SLC17A3: variants seen among roughly 807,000 people sequenced by gnomAD.
SLC17A3 encodes sodium-dependent phosphate transport protein 4.
SLC17A3 carries 61 observed loss-of-function variants against 60.3 expected under a neutral mutation model. That is an observed-to-expected ratio of 1.01 (90% CI 0.82 to 1.25). The LOEUF (loss-of-function observed/expected upper bound fraction) is 1.25. Ranked by LOEUF, SLC17A3 falls within the 50% of genes most tolerant of loss-of-function variation. The probability of loss-of-function intolerance (pLI) is 0.00; values close to 1 mark genes in which losing one functional copy is unlikely to be tolerated. For missense variants in SLC17A3, 624 were observed against 594.9 expected (o/e 1.05, Z -0.51); for synonymous variants, 192 against 208.9 (o/e 0.92, Z 0.70).
intron 1 of SLC17A3, among the ~76,000 whole-genome samples, chr6:25,872,957 T>C (rs1765669587): frequency 6.6e-6 from 1 of 152,020 alleles, no homozygotes; most frequent in South Asian, 2.1e-4. Flanking sequence ...GGATGTCACA[T>C]CTTCTCCTGC....
At chr6:25,861,514 C>T in intron 5 of SLC17A3, 110 bp downstream of exon 5, 3 of 874,902 alleles carry the variant, frequency 3.4e-6, no homozygotes, top group Non-Finnish European at 5.8e-6. Flanking sequence ...TTTAAAAATA[C>T]TTCACTGACA....
At chr6:25,849,351 C>T (rs1561853240) in intron 11 of SLC17A3, 23 bp downstream of exon 11, 1 of 1,329,278 alleles carries the variant, frequency 7.5e-7, no homozygotes, top group Admixed American at 1.7e-5. Flanking sequence ...TCTTTGGAGT[C>T]CTTCATGACA....
At chr6:25,848,135 A>T (rs188172775) in intron 11 of SLC17A3, among the ~76,000 whole-genome samples, 76 of 152,250 alleles carry the variant, frequency 5.0e-4, no homozygotes, top group Middle Eastern at 3.4e-3. Context: ...CAGTTTCTTT[A>T]TCCACTCATT....
chr6:25,856,252 A>G (rs1765354780), intron 5 of SLC17A3, among the ~76,000 whole-genome samples: 1 of 152,076 alleles, frequency 6.6e-6, no homozygotes, highest in Non-Finnish European at 1.5e-5. Flanking sequence ...GTTGTTTGAG[A>G]CAGAGTCTTG....
intron 12 of SLC17A3, 37 bp from the exon 13 acceptor site, chr6:25,845,335 G>A (rs1333737086): frequency 6.2e-7 from 1 of 1,610,746 alleles, no homozygotes; most frequent in Non-Finnish European, 8.5e-7. Context: ...TAAAACTTCA[G>A]CTGCTTCTAT....
At position 25,864,617 on chromosome 6, in the gene SLC17A3, G is replaced by A. The variant is rs138140609; in HGVS notation, c.92-2173C>T. On this transcript the variant is annotated intron_variant, in intron 2 of 12. Coordinates refer to ENST00000397060, the MANE Select transcript of SLC17A3 (RefSeq NM_001098486.2). ...AGAAGAATGAAGTTCTGCTTTCCTAGGAAGAAAGTTCTTGGAAGGAGCAGG... is the reference window on the plus strand; with the variant it reads ...AGAAGAATGAAGTTCTGCTTTCCTAAGAAGAAAGTTCTTGGAAGGAGCAGG... Among the ~76,000 whole-genome samples the A allele has an allele frequency of 3.0e-4, 43 of 141,738 alleles. 1 individual carries two copies. In the East Asian group the frequency reaches 8.5e-3, roughly 28 times the overall value. 93.0% of individuals were successfully genotyped at this position (141,738 alleles called of 152,430 possible). A position where few individuals can be genotyped will look rare whatever the true frequency, so the allele number is the denominator to read the frequency against.
intron 2 of SLC17A3, among the ~76,000 whole-genome samples, chr6:25,862,759 T>C (rs1314500522): frequency 6.6e-6 from 1 of 151,270 alleles, no homozygotes; most frequent in Non-Finnish European, 1.5e-5. Context: ...CATATACATA[T>C]GTGTGTGTGT....
chr6:25,861,960 G>A lies in SLC17A3; in HGVS notation c.373C>T (p.Leu125=). The A allele has an allele frequency of 1.2e-6, 2 of 1,612,510 alleles. No homozygotes were observed. The highest frequency in any genetic ancestry group is 1.7e-6 in the Non-Finnish European group (2 of 1,179,270). The change falls in exon 4 of 13, where the codon CTG becomes TTG. Residue 125 remains leucine, a synonymous_variant. Transcript: ENST00000397060. The part of the protein sequence containing the change: ...IFGAVGYGGI[L]TMAPSGYLAG... ...AGGTATCCACTGGGAGCCATTGTCA[G>A]TATGCCACCATAGCCAACAGCACCA... is the stretch of plus-strand genomic sequence containing the variant.
At position 25,862,246 on chromosome 6, in the gene SLC17A3, C is replaced by G; in HGVS notation, c.290G>C (p.Ser97Thr). ...SFGGLSKAPKSLPAKAPVYDW... is the reference protein window; with the variant it reads ...SFGGLSKAPKTLPAKAPVYDW... ...TATGTTGCTTACCTTTGCAGGAAGA[C>G]TCTTTGGGGCTTTACTTAGGCCACC... is the stretch of plus-strand genomic sequence containing the variant. The change falls in exon 3 of 13, where the codon AGT (serine) becomes ACT (threonine). Residue 97 changes from serine to threonine, a missense_variant. Physicochemically the swap from Ser to Thr is moderately conservative, Grantham distance 58 (BLOSUM62 1). Transcript: ENST00000397060. 1.2e-6 allele frequency: 2 copies of G among 1,613,136 alleles called. No individual in the cohort carries two copies. Among genetic ancestry groups the G allele is most frequent in the Non-Finnish European group, 1.7e-6 (2 of 1,179,212 alleles).
chr6:25,856,777 G>T (rs1038428890), intron 5 of SLC17A3, among the ~76,000 whole-genome samples: 1 of 151,616 alleles, frequency 6.6e-6, no homozygotes, highest in South Asian at 2.1e-4. Flanking sequence ...AACCCAGGAG[G>T]CGGAGGTTGC....
At chr6:25,851,414 C>A (rs1270964671) in intron 6 of SLC17A3, among the ~76,000 whole-genome samples, 1 of 151,952 alleles carries the variant, frequency 6.6e-6, no homozygotes, top group Non-Finnish European at 1.5e-5. Flanking sequence ...TTGATGAAAT[C>A]CAATTTATCA....
At chr6:25,856,064 G>A (rs1765351451) in intron 5 of SLC17A3, among the ~76,000 whole-genome samples, 1 of 152,150 alleles carries the variant, frequency 6.6e-6, no homozygotes, top group Non-Finnish European at 1.5e-5. Flanking sequence ...GACTTGCTAG[G>A]TCAAAGTCTA....
intron 9 of SLC17A3, 23 bp downstream of exon 9, chr6:25,850,025 T>C (rs774388433): frequency 1.2e-6 from 2 of 1,614,016 alleles, no homozygotes; most frequent in Non-Finnish European, 1.7e-6. Context: ...GCAAATTATC[T>C]GACCCTCAAG....
intron 11 of SLC17A3, among the ~76,000 whole-genome samples, chr6:25,846,910 C>T (rs776072804): frequency 5.9e-5 from 9 of 152,062 alleles, no homozygotes; most frequent in Non-Finnish European, 1.0e-4. Flanking sequence ...CGCACCTGGC[C>T]GGAAATATTA....
At chr6:25,868,811 A>G (rs1183105991) in intron 1 of SLC17A3, among the ~76,000 whole-genome samples, 2 of 151,966 alleles carry the variant, frequency 1.3e-5, no homozygotes, top group African/African-American at 2.4e-5. Flanking sequence ...CAGATTGCAC[A>G]TGCCTAGAAC....
chr6:25,867,624 A>C (rs1765558060), intron 2 of SLC17A3, among the ~76,000 whole-genome samples: 1 of 151,962 alleles, frequency 6.6e-6, no homozygotes, highest in Admixed American at 6.6e-5. Flanking sequence ...ATAATAGCCG[A>C]GTAACAAAAG....
At chr6:25,845,732 G>C (rs1435865216) in intron 11 of SLC17A3, among the ~76,000 whole-genome samples, 1 of 152,084 alleles carries the variant, frequency 6.6e-6, no homozygotes, top group African/African-American at 2.4e-5. Context: ...CTACATAAAT[G>C]CATTTGTCAC....
intron 2 of SLC17A3, among the ~76,000 whole-genome samples, chr6:25,866,626 T>C (rs1258866616): frequency 6.6e-6 from 1 of 151,980 alleles, no homozygotes; most frequent in Non-Finnish European, 1.5e-5. Context: ...CCTAGTTGAA[T>C]GACTATACAA....
chr6:25,864,222 A>G (rs1175287727), intron 2 of SLC17A3, among the ~76,000 whole-genome samples: 1 of 151,916 alleles, frequency 6.6e-6, no homozygotes, highest in Non-Finnish European at 1.5e-5. Context: ...GGAAAGCTAG[A>G]TCATGAGGCC....
Sources: allele counts gnomAD v4.1 joint callset (sites outside exome capture counted in the v4.1 genomes callset), GRCh38; gene constraint gnomAD v4.1.1; transcripts MANE v1.5; gene names NCBI Gene and HGNC (gene_info 2026-07-23, HGNC 2026-07-21).